Variants in RBFOX1 observed in about 807,000 individuals in gnomAD.
RBFOX1 encodes RNA binding protein fox-1 homolog 1.
A neutral mutation model predicts 57.7 loss-of-function variants in RBFOX1; 8 were observed. That is an observed-to-expected ratio of 0.14 (90% CI 0.08 to 0.25). The LOEUF is 0.25. Among genes scored for constraint, RBFOX1 ranks in the 10% least tolerant of loss-of-function variants. The pLI, the probability that RBFOX1 is intolerant of heterozygous loss-of-function variation, is 1.00. For missense variants in RBFOX1, 611 were observed against 548.5 expected, an observed-to-expected ratio of 1.11 and a Z score of -1.14; for synonymous variants, 326 against 222.4, an observed-to-expected ratio of 1.47 and a Z score of -4.15.
rs563030197 is a variant in RBFOX1 at position 6,786,304 on chromosome 16, A to T, written c.-16+131654A>T. On this transcript the variant is annotated intron_variant, in intron 3 of 15. Coordinates refer to ENST00000550418, the MANE Select transcript of RBFOX1 (RefSeq NM_018723.4). ...CTCTGAGATCTCTTAACCACTTGTT[A>T]TAATTCTTCCCACATTACAAAGGCC... Among the ~76,000 whole-genome samples the T allele has an allele frequency of 8.5e-5, 13 of 152,244 alleles. No individual in the cohort carries two copies. The South Asian group carries it at 2.7e-3, about 32-fold the overall frequency.
intron 2 of RBFOX1, among the ~76,000 whole-genome samples, chr16:6,603,425 A>G (rs1290414936): frequency 6.6e-6 from 1 of 152,208 alleles, no homozygotes; most frequent in African/African-American, 2.4e-5. Context: ...GCACAAAACA[A>G]AAATCTTTTT....
chr16:5,407,785 A>G (rs141728925), intron 1 of RBFOX1, among the ~76,000 whole-genome samples: 1,606 of 152,154 alleles, frequency 0.011, 24 homozygotes, highest in African/African-American at 0.036. Flanking sequence ...CTGACCTCAA[A>G]CGATCCAACT....
At chr16:7,355,813 G>T (rs1461450857) in intron 4 of RBFOX1, among the ~76,000 whole-genome samples, 1 of 152,198 alleles carries the variant, frequency 6.6e-6, no homozygotes, top group African/African-American at 2.4e-5. Context: ...TTGCCAATCT[G>T]TTGGGTGATA....
At chr16:5,897,420 T>C (rs2058194777) in intron 4 of RBFOX1, among the ~76,000 whole-genome samples, 1 of 152,208 alleles carries the variant, frequency 6.6e-6, no homozygotes, top group South Asian at 2.1e-4. Context: ...GGGTCTTACA[T>C]ACTTAATCTT....
At chr16:7,143,765 A>G (rs1408591529) in intron 4 of RBFOX1, among the ~76,000 whole-genome samples, 1 of 150,912 alleles carries the variant, frequency 6.6e-6, no homozygotes, top group Non-Finnish European at 1.5e-5. Flanking sequence ...ACTATTTAGC[A>G]GTGCTTACTG....
intron 3 of RBFOX1, among the ~76,000 whole-genome samples, chr16:6,965,934 G>A (rs1309414403): frequency 2.0e-5 from 3 of 152,084 alleles, no homozygotes; most frequent in African/African-American, 4.8e-5. Context: ...ATTTAGCATC[G>A]GGGGATCCAG....
chr16:7,025,706 G>T (rs769889371), intron 3 of RBFOX1, among the ~76,000 whole-genome samples: 3 of 151,826 alleles, frequency 2.0e-5, no homozygotes, highest in Non-Finnish European at 2.9e-5. Context: ...GGAGCCTGCC[G>T]CACTGCCAGT....
At chr16:6,232,517 G>A (rs145384458) in intron 1 of RBFOX1, among the ~76,000 whole-genome samples, 92 of 152,222 alleles carry the variant, frequency 6.0e-4, no homozygotes, top group Non-Finnish European at 1.1e-3. Context: ...ATGTGTGATC[G>A]TTTCTGCTCC....
At chr16:6,144,260 A>G (rs1597743913) in intron 1 of RBFOX1, among the ~76,000 whole-genome samples, 2 of 152,292 alleles carry the variant, frequency 1.3e-5, no homozygotes, top group East Asian at 3.9e-4. Flanking sequence ...TGTTAATGAT[A>G]ATTTATTAGG....
intron 3 of RBFOX1, among the ~76,000 whole-genome samples, chr16:6,997,120 A>C (rs1017725682): frequency 2.6e-5 from 4 of 152,146 alleles, no homozygotes; most frequent in Non-Finnish European, 1.5e-5. Flanking sequence ...TTTTGCCCCC[A>C]AACTTACAAC....
chr16:7,367,858 G>A (rs892112389), intron 4 of RBFOX1, among the ~76,000 whole-genome samples: 7 of 150,074 alleles, frequency 4.7e-5, no homozygotes, highest in Admixed American at 2.7e-4. Context: ...ATATATATGT[G>A]CATGAGCACG....
chr16:6,076,026 T>C (rs955787492), intron 1 of RBFOX1, among the ~76,000 whole-genome samples: 9 of 152,194 alleles, frequency 5.9e-5, no homozygotes, highest in Admixed American at 3.9e-4. Context: ...TGGCCGGGCG[T>C]GGTGGCTCAC....
intron 14 of RBFOX1, among the ~76,000 whole-genome samples, chr16:7,699,800 TTTTA>T (rs1189956134): frequency 6.6e-6 from 1 of 152,166 alleles, no homozygotes; most frequent in Non-Finnish European, 1.5e-5. Flanking sequence ...CATGTGTGGC[TTTTA>T]TTATGTTTCT....
intron 4 of RBFOX1, among the ~76,000 whole-genome samples, chr16:7,456,804 T>C (rs1303702082): frequency 2.6e-5 from 4 of 152,158 alleles, no homozygotes; most frequent in Non-Finnish European, 5.9e-5. Flanking sequence ...CCAAGCCTTC[T>C]ATTCAAGCCC....
At position 6,925,356 on chromosome 16, in the gene RBFOX1, C is replaced by G. The variant is rs559591346; in HGVS notation, c.-15-126701C>G. ...GCCAGGCTGGTCTTGAACTCCTGACCTCAGGCGATCTACCTGCCTTGGTCT... is the reference window on the plus strand; with the variant it reads ...GCCAGGCTGGTCTTGAACTCCTGACGTCAGGCGATCTACCTGCCTTGGTCT... On this transcript the variant is annotated intron_variant, in intron 3 of 15. Coordinates refer to ENST00000550418, the MANE Select transcript of RBFOX1 (RefSeq NM_018723.4). Among the ~76,000 whole-genome samples the G allele has an allele frequency of 2.8e-4, 42 of 151,654 alleles. No homozygotes were observed. In the East Asian group the frequency reaches 5.7e-3, roughly 20 times the overall value.
intron 3 of RBFOX1, among the ~76,000 whole-genome samples, chr16:5,714,648 C>T (rs1040227623): frequency 1.3e-4 from 20 of 152,092 alleles, no homozygotes; most frequent in African/African-American, 4.6e-4. Flanking sequence ...TGCTTAGTAA[C>T]GGTTTTCATT....
chr16:7,179,353 A>C (rs114882159), intron 4 of RBFOX1, among the ~76,000 whole-genome samples: 1,549 of 152,252 alleles, frequency 0.01, 28 homozygotes, highest in African/African-American at 0.035. Context: ...CCCTTACCTA[A>C]GAGAACATAA....
chr16:5,825,200 C>A (rs561654681), intron 3 of RBFOX1, among the ~76,000 whole-genome samples: 23 of 152,314 alleles, frequency 1.5e-4, no homozygotes, highest in African/African-American at 5.5e-4. Context: ...ACCTTGCAAG[C>A]GTTGCTTAAC....
intron 4 of RBFOX1, among the ~76,000 whole-genome samples, chr16:7,293,601 G>A (rs1039327187): frequency 6.6e-6 from 1 of 152,140 alleles, no homozygotes; most frequent in East Asian, 1.9e-4. Flanking sequence ...GCCAGATGAG[G>A]TTGTGAGAAC....
Sources: allele counts gnomAD v4.1 joint callset (sites outside exome capture counted in the v4.1 genomes callset), GRCh38; gene constraint gnomAD v4.1.1; transcripts MANE v1.5; gene names NCBI Gene and HGNC (gene_info 2026-07-23, HGNC 2026-07-21).